Variants in DCDC2C observed in about 807,000 individuals in gnomAD.
The protein encoded by DCDC2C is doublecortin domain-containing protein 2C.
Under a neutral mutation model 45.0 loss-of-function variants are expected in DCDC2C, and 44 were observed. The observed-to-expected ratio is 0.98, with a 90% confidence interval of 0.77 to 1.26. DCDC2C has a LOEUF of 1.26. Among genes scored for constraint, DCDC2C ranks in the 50% most tolerant of loss-of-function variants. DCDC2C has a pLI of 0.00. For synonymous variants in DCDC2C, 187 were observed against 178.8 expected (o/e 1.05, Z -0.37); for missense variants, 447 against 468.9 (o/e 0.95, Z 0.43).
chr2:3,824,689 A>C (rs1345601944), intron 10 of DCDC2C, among the ~76,000 whole-genome samples: 1 of 150,302 alleles, frequency 6.7e-6, no homozygotes, highest in Non-Finnish European at 1.5e-5. Context: ...CTTCAGCTCT[A>C]GGTTTCTCTT....
chr2:3,792,463 C>A (rs1341890133), intron 10 of DCDC2C, among the ~76,000 whole-genome samples: 1 of 152,136 alleles, frequency 6.6e-6, no homozygotes, highest in Non-Finnish European at 1.5e-5. Context: ...TTTGTATTTA[C>A]TTGGTTTTCC....
At chr2:3,831,354 G>A (rs1671947507) in intron 10 of DCDC2C, among the ~76,000 whole-genome samples, 1 of 152,154 alleles carries the variant, frequency 6.6e-6, no homozygotes, top group African/African-American at 2.4e-5. Context: ...AACCTCGATG[G>A]CACAGCCTAC....
chr2:3,711,955 A>C (rs1236546017), intron 2 of DCDC2C, among the ~76,000 whole-genome samples: 2 of 152,146 alleles, frequency 1.3e-5, no homozygotes, highest in Non-Finnish European at 2.9e-5. Flanking sequence ...GAAGTGCCTG[A>C]TGCTCATGAT....
intron 10 of DCDC2C, among the ~76,000 whole-genome samples, chr2:3,837,944 T>C (rs549880065): frequency 2.6e-4 from 40 of 152,182 alleles, no homozygotes; most frequent in African/African-American, 9.6e-4. Flanking sequence ...CTTTTCTGAG[T>C]GCTCTTATTT....
intron 4 of DCDC2C, among the ~76,000 whole-genome samples, chr2:3,743,417 C>T (rs1669273513): frequency 6.6e-6 from 1 of 152,212 alleles, no homozygotes; most frequent in Admixed American, 6.5e-5. Flanking sequence ...ACTTAACAGA[C>T]TGCAGAACAT....
At chr2:3,745,481 G>C (rs953892055) in intron 4 of DCDC2C, among the ~76,000 whole-genome samples, 1 of 152,072 alleles carries the variant, frequency 6.6e-6, no homozygotes, top group Non-Finnish European at 1.5e-5. Flanking sequence ...GCAGAGCTTA[G>C]AAATAAAAGA....
At chr2:3,816,532 G>A (rs554820441) in intron 10 of DCDC2C, among the ~76,000 whole-genome samples, 22 of 152,314 alleles carry the variant, frequency 1.4e-4, no homozygotes, top group Non-Finnish European at 1.6e-4. Context: ...GATTAGAAAC[G>A]GCTAGGAGAG....
At chr2:3,825,567 G>A (rs1207992913) in intron 10 of DCDC2C, among the ~76,000 whole-genome samples, 1 of 152,188 alleles carries the variant, frequency 6.6e-6, no homozygotes, top group Non-Finnish European at 1.5e-5. Flanking sequence ...GAGACAGGAT[G>A]GCAGTGGAGA....
At chr2:3,811,706 G>A (rs1049676102) in intron 10 of DCDC2C, among the ~76,000 whole-genome samples, 1 of 152,144 alleles carries the variant, frequency 6.6e-6, no homozygotes, top group Non-Finnish European at 1.5e-5. Context: ...ATATGATATT[G>A]GCTGTGGGTT....
chr2:3,730,894 T>G (rs1188718557), intron 3 of DCDC2C, among the ~76,000 whole-genome samples: 1 of 152,244 alleles, frequency 6.6e-6, no homozygotes, highest in East Asian at 1.9e-4. Context: ...AAGCTATGTC[T>G]TGGGTGTGAG....
intron 2 of DCDC2C, among the ~76,000 whole-genome samples, chr2:3,723,013 A>C (rs559417623): frequency 3.3e-4 from 51 of 152,298 alleles, no homozygotes; most frequent in African/African-American, 1.2e-3. Context: ...ATATAGTATG[A>C]TAATAGGGTA....
chr2:3,823,514 T>C (rs935989793), intron 10 of DCDC2C, among the ~76,000 whole-genome samples: 1 of 152,202 alleles, frequency 6.6e-6, no homozygotes, highest in African/African-American at 2.4e-5. Flanking sequence ...AATTTCTTTA[T>C]CTTCTACCCA....
chr2:3,706,751 A>T (rs993755832), intron 1 of DCDC2C, among the ~76,000 whole-genome samples: 3 of 152,264 alleles, frequency 2.0e-5, no homozygotes, highest in Non-Finnish European at 4.4e-5. Context: ...AACTAGCCGC[A>T]GATGACAGGA....
intron 4 of DCDC2C, among the ~76,000 whole-genome samples, chr2:3,746,077 C>T (rs966534461): frequency 1.3e-5 from 2 of 152,052 alleles, no homozygotes; most frequent in Non-Finnish European, 2.9e-5. Context: ...AAAAGGCGCT[C>T]GTAGAGGCTG....
At chr2:3,791,156 C>T (rs1219601892) in intron 10 of DCDC2C, among the ~76,000 whole-genome samples, 1 of 152,130 alleles carries the variant, frequency 6.6e-6, no homozygotes, top group East Asian at 1.9e-4. Flanking sequence ...GCTTGTATCC[C>T]TCTATACATA....
At chr2:3,801,723 G>T (rs1294069322) in intron 10 of DCDC2C, among the ~76,000 whole-genome samples, 1 of 152,222 alleles carries the variant, frequency 6.6e-6, no homozygotes, top group Non-Finnish European at 1.5e-5. Flanking sequence ...TTCTGTACTG[G>T]GAGCTTACAG....
At chr2:3,805,413 A>T (rs1390205818) in intron 10 of DCDC2C, among the ~76,000 whole-genome samples, 1 of 152,204 alleles carries the variant, frequency 6.6e-6, no homozygotes, top group East Asian at 1.9e-4. Flanking sequence ...TCTCATTGCC[A>T]TACTGAGTCG....
chr2:3,726,727 C>G (rs757007300), intron 2 of DCDC2C, among the ~76,000 whole-genome samples: 1 of 152,174 alleles, frequency 6.6e-6, no homozygotes, highest in Non-Finnish European at 1.5e-5. Context: ...CACCTTTGCC[C>G]GTCAGCCCAG....
At chr2:3,785,226 C>A in intron 10 of DCDC2C, 126 bp downstream of exon 10, 1 of 613,112 alleles carries the variant, frequency 1.6e-6, no homozygotes. Context: ...ATGCCTCTGT[C>A]ATACACCCTA....
Sources: gnomAD v4.1 joint callset for allele counts (sites outside exome capture counted in the v4.1 genomes callset) on GRCh38, gnomAD v4.1.1 for gene constraint, MANE v1.5 for transcripts, NCBI Gene and HGNC (gene_info 2026-07-23, HGNC 2026-07-21) for gene names.